The following KCNK10 variants were observed in gnomAD, a reference collection of about 807,000 sequenced individuals.
KCNK10 encodes the protein potassium two pore domain channel subfamily K member 10.
In KCNK10, 25 loss-of-function variants were observed where a neutral mutation model predicts 47.7. The observed-to-expected ratio is 0.52, with a 90% CI of 0.38 to 0.73. The LOEUF (loss-of-function observed/expected upper bound fraction) is 0.73, where lower values mean the gene tolerates loss of function less well. Among genes scored for constraint, KCNK10 ranks in the 30% least tolerant of loss-of-function variants. The pLI, the probability that KCNK10 is intolerant of heterozygous loss-of-function variation, is 0.00. For missense variants in KCNK10, 563 were observed against 714.5 expected (o/e 0.79, Z 2.42); for synonymous variants, 303 against 285.6 (o/e 1.06, Z -0.61).
At chr14:88,188,550 A>T (rs1884647125) in intron 5 of KCNK10, among the ~76,000 whole-genome samples, 1 of 152,228 alleles carries the variant, frequency 6.6e-6, no homozygotes, top group Non-Finnish European at 1.5e-5. Flanking sequence ...TTCCATCTTA[A>T]GCACCCATAC....
chr14:88,247,953 A>G (rs1441986533), intron 2 of KCNK10, among the ~76,000 whole-genome samples: 2 of 152,242 alleles, frequency 1.3e-5, no homozygotes, highest in African/African-American at 4.8e-5. Context: ...CGAGGAAAGT[A>G]TCAAGTCCAC....
chr14:88,323,261 C>A lies in KCNK10; in HGVS notation c.-463G>T. ...ACACACCCGCACACACACTCCCGGG[C>A]GCGCGCTTGGGCGGGCACGTCAGCC... On this transcript the variant is annotated 5_prime_UTR_variant, in exon 1 of 7. Transcript: ENST00000319231. 3 of 986,622 alleles carry A rather than the reference C, an allele frequency of 3.0e-6. No homozygotes were observed. Among genetic ancestry groups the A allele is most frequent in the Non-Finnish European group, 3.6e-6 (3 of 830,958 alleles). The allele number at this position is 986,622 out of a possible 1,614,324, so 61.1% of individuals were successfully genotyped here.
intron 1 of KCNK10, among the ~76,000 whole-genome samples, chr14:88,275,575 G>A (rs953405442): frequency 3.3e-5 from 5 of 151,876 alleles, no homozygotes; most frequent in East Asian, 1.9e-4. Flanking sequence ...ATGGCCAGGC[G>A]CAGTGGCTCA....
At chr14:88,262,520 T>C (rs1887139580) in intron 2 of KCNK10, among the ~76,000 whole-genome samples, 1 of 152,228 alleles carries the variant, frequency 6.6e-6, no homozygotes, top group African/African-American at 2.4e-5. Flanking sequence ...AGTCCACATC[T>C]GTCGCCCAGA....
At chr14:88,235,283 G>T (rs1435129952) in intron 3 of KCNK10, 1 of 455,572 alleles carries the variant, frequency 2.2e-6, no homozygotes, top group Non-Finnish European at 4.4e-6. Context: ...TTTGCCTGGG[G>T]CCAGGTATTT....
At chr14:88,232,838 C>T (rs146995941) in intron 3 of KCNK10, among the ~76,000 whole-genome samples, 1 of 152,206 alleles carries the variant, frequency 6.6e-6, no homozygotes, top group Non-Finnish European at 1.5e-5. Context: ...GGAAAGCCCC[C>T]CTTCCTGTGC....
intron 1 of KCNK10, among the ~76,000 whole-genome samples, chr14:88,302,720 A>AT (rs1415797069): frequency 7.9e-5 from 12 of 152,170 alleles, no homozygotes; most frequent in African/African-American, 2.7e-4. Context: ...AAATAAATAA[A>AT]AAAATAAATA....
At chr14:88,256,628 C>T (rs1346434970) in intron 2 of KCNK10, among the ~76,000 whole-genome samples, 2 of 152,038 alleles carry the variant, frequency 1.3e-5, no homozygotes, top group Non-Finnish European at 2.9e-5. Flanking sequence ...ACTCTGGGAG[C>T]GACTTCTGTG....
chr14:88,324,147 C>T (rs1438340593), upstream of KCNK10, among the ~76,000 whole-genome samples: 1 of 152,238 alleles, frequency 6.6e-6, no homozygotes, highest in East Asian at 1.9e-4. Flanking sequence ...AGCGGCGGCC[C>T]CGGGATCCTG....
chr14:88,270,582 G>T (rs538308200), intron 1 of KCNK10, among the ~76,000 whole-genome samples: 7 of 152,256 alleles, frequency 4.6e-5, no homozygotes, highest in African/African-American at 1.7e-4. Flanking sequence ...CCAGATGGAA[G>T]AGATCAAGCT....
chr14:88,195,026 TAA>T (rs11430813), intron 4 of KCNK10, among the ~76,000 whole-genome samples: 1 of 148,390 alleles, frequency 6.7e-6, no homozygotes, highest in Admixed American at 6.7e-5. Flanking sequence ...TCTAGGTATT[TAA>T]AAAAAAAAAA....
intron 4 of KCNK10, among the ~76,000 whole-genome samples, chr14:88,198,148 C>A (rs1257126289): frequency 6.6e-6 from 1 of 152,118 alleles, no homozygotes; most frequent in Non-Finnish European, 1.5e-5. Context: ...TAATGGACGA[C>A]CTTTAAATCT....
chr14:88,201,749 A>AT (rs1296742841), intron 4 of KCNK10, among the ~76,000 whole-genome samples: 1 of 152,120 alleles, frequency 6.6e-6, no homozygotes, highest in Non-Finnish European at 1.5e-5. Flanking sequence ...TAATTGGTAC[A>AT]TTTTTTCCTC....
intron 2 of KCNK10, among the ~76,000 whole-genome samples, chr14:88,247,159 G>A (rs1336855165): frequency 6.6e-6 from 1 of 152,208 alleles, no homozygotes; most frequent in African/African-American, 2.4e-5. Flanking sequence ...TCTACTTTGA[G>A]TTCTTTTTTC....
chr14:88,238,415 A>C (rs1886356971), intron 3 of KCNK10, among the ~76,000 whole-genome samples: 1 of 152,196 alleles, frequency 6.6e-6, no homozygotes, highest in Non-Finnish European at 1.5e-5. Flanking sequence ...TCATGCCTGT[A>C]ATTCCAGCAC....
chr14:88,223,218 G>T (rs755623678), intron 4 of KCNK10, among the ~76,000 whole-genome samples: 2 of 151,948 alleles, frequency 1.3e-5, no homozygotes, highest in Non-Finnish European at 2.9e-5. Context: ...TCCAACCTTG[G>T]ACTGGCATCA....
At chr14:88,266,277 T>C (rs1429973276) in intron 1 of KCNK10, among the ~76,000 whole-genome samples, 3 of 152,220 alleles carry the variant, frequency 2.0e-5, no homozygotes, top group Middle Eastern at 3.2e-3. Flanking sequence ...ACTCCAGCAA[T>C]ACTGAAAGCA....
intron 1 of KCNK10, among the ~76,000 whole-genome samples, chr14:88,275,732 T>C (rs11624475): frequency 0.28 from 40,226 of 145,862 alleles, 6,589 homozygotes; most frequent in Middle Eastern, 0.37. Flanking sequence ...CCAGGCATAG[T>C]GGTGCATGCT....
intron 5 of KCNK10, among the ~76,000 whole-genome samples, chr14:88,191,012 C>T (rs974774457): frequency 6.6e-6 from 1 of 151,986 alleles, no homozygotes; most frequent in South Asian, 2.1e-4. Flanking sequence ...TTTGGCAGGC[C>T]GATCACATGA....
Sources: gnomAD v4.1 joint callset for allele counts (sites outside exome capture counted in the v4.1 genomes callset) on GRCh38, gnomAD v4.1.1 for gene constraint, MANE v1.5 for transcripts, NCBI Gene and HGNC (gene_info 2026-07-23, HGNC 2026-07-21) for gene names.